Variants in RAB3GAP2 observed in about 807,000 individuals in gnomAD.
RAB3GAP2 encodes RAB3 GTPase activating non-catalytic protein subunit 2, also known as rab3 GTPase-activating protein non-catalytic subunit.
Under a neutral mutation model 185.3 loss-of-function variants are expected in RAB3GAP2, and 87 were observed. The observed-to-expected ratio is 0.47, with a 90% CI of 0.39 to 0.56. The LOEUF is 0.56. RAB3GAP2 is among the 20% of genes least tolerant of loss of function. The pLI, the probability that RAB3GAP2 is intolerant of heterozygous loss-of-function variation, is 0.00. For synonymous variants in RAB3GAP2, 554 were observed against 576.1 expected, an observed-to-expected ratio of 0.96 and a Z score of 0.55; for missense variants, 1,492 against 1,638.2, an observed-to-expected ratio of 0.91 and a Z score of 1.54.
intron 4 of RAB3GAP2, among the ~76,000 whole-genome samples, chr1:220,212,226 T>A (rs534791740): frequency 6.6e-6 from 1 of 152,286 alleles, no homozygotes. Flanking sequence ...ATAAGCCCAA[T>A]ATCAGCAAAG....
chr1:220,248,753 T>A (rs1425925178), intron 1 of RAB3GAP2, among the ~76,000 whole-genome samples: 1 of 152,060 alleles, frequency 6.6e-6, no homozygotes. Flanking sequence ...GTTCCCATAA[T>A]CCCCATGTGC....
In RAB3GAP2 at chr1:220,177,584, T is replaced by C. The variant is rs181081662; in HGVS notation, c.2310+4673A>G. Among the ~76,000 whole-genome samples, 831 of 152,044 alleles carry C rather than the reference T, an allele frequency of 5.5e-3. 11 individuals carry two copies. Among genetic ancestry groups the C allele is most frequent in the African/African-American group, 0.019 (792 of 41,454 alleles). ...CCCACACAATCTATTCAAAAATTTA[T>C]CAGAGAAATTTTTAAAAGGTTGAAA... is the stretch of plus-strand genomic sequence containing the variant. On this transcript the variant is annotated intron_variant, in intron 21 of 34. Transcript: ENST00000358951.
chr1:220,248,634 T>G (rs910141184), intron 1 of RAB3GAP2, among the ~76,000 whole-genome samples: 2 of 151,670 alleles, frequency 1.3e-5, no homozygotes, highest in African/African-American at 4.9e-5. Context: ...TTTGGATAAT[T>G]CTAAAGTTCA....
rs1658423559 is a variant in RAB3GAP2 at position 220,182,245 on chromosome 1, A to T, written c.2310+12T>A. On this transcript the variant is annotated intron_variant, in intron 21 of 34. Transcript: ENST00000358951. ...AAGGAAGAACAGCATCCAGCAACCA[A>T]AAAAACCTTACCAACAACAGCTGAG... The T allele has an allele frequency of 1.2e-6, 2 of 1,614,000 alleles. No homozygotes were observed. The highest frequency in any genetic ancestry group is 8.5e-7 in the Non-Finnish European group (1 of 1,179,958).
intron 2 of RAB3GAP2, among the ~76,000 whole-genome samples, chr1:220,229,746 C>T (rs1355033171): frequency 1.3e-5 from 2 of 152,148 alleles, no homozygotes; most frequent in African/African-American, 4.8e-5. Context: ...AGCTCAGCAC[C>T]AGCACTATTC....
At chr1:220,162,157 GAATC>G in intron 28 of RAB3GAP2, 37 bp downstream of exon 28, 1 of 1,362,012 alleles carries the variant, frequency 7.3e-7, no homozygotes. Flanking sequence ...TCAAATAAGA[GAATC>G]AAATAAATAA....
intron 1 of RAB3GAP2, among the ~76,000 whole-genome samples, chr1:220,243,668 A>T (rs1659742112): frequency 6.6e-6 from 1 of 152,138 alleles, no homozygotes; most frequent in Admixed American, 6.6e-5. Flanking sequence ...ATCTGGTATG[A>T]TGCTGTCACT....
rs557235116 is a variant in RAB3GAP2, at chr1:220,272,415, G to C, written c.-78C>G. On this transcript the variant is annotated 5_prime_UTR_variant, in exon 1 of 35. Transcript: ENST00000358951. ...CCTCCACCCCACTGCGGCCGCCACCGAGCCCCAATAGCTCTAGCCAAGCAG... is the reference window on the plus strand; with the variant it reads ...CCTCCACCCCACTGCGGCCGCCACCCAGCCCCAATAGCTCTAGCCAAGCAG... 1.4e-5 allele frequency: 13 copies of C among 962,234 alleles called. No homozygotes were observed. The highest frequency in any genetic ancestry group is 2.1e-5 in the Non-Finnish European group (13 of 610,668). 59.6% of individuals were successfully genotyped at this position (962,234 alleles called of 1,614,324 possible). A position where few individuals can be genotyped will look rare whatever the true frequency, so the allele number is the denominator to read the frequency against.
chr1:220,204,971 T>A (rs1228573840), intron 8 of RAB3GAP2, among the ~76,000 whole-genome samples: 2 of 152,024 alleles, frequency 1.3e-5, no homozygotes, highest in Admixed American at 1.3e-4. Flanking sequence ...ATTTTCTTAA[T>A]CCAGTCTATC....
intron 1 of RAB3GAP2, among the ~76,000 whole-genome samples, chr1:220,242,876 A>C (rs540079946): frequency 2.6e-5 from 4 of 152,344 alleles, no homozygotes; most frequent in Admixed American, 6.5e-5. Context: ...TGACATAATC[A>C]AATGCCTACA....
intron 19 of RAB3GAP2, among the ~76,000 whole-genome samples, chr1:220,183,800 G>A (rs1229282446): frequency 6.6e-6 from 1 of 151,916 alleles, no homozygotes; most frequent in Non-Finnish European, 1.5e-5. Context: ...TATACTATAT[G>A]TACAAAAACA....
intron 1 of RAB3GAP2, among the ~76,000 whole-genome samples, chr1:220,255,417 G>A (rs1240422370): frequency 6.6e-6 from 1 of 152,200 alleles, no homozygotes; most frequent in Non-Finnish European, 1.5e-5. Context: ...CACAGAACCA[G>A]GCTGAGGTGG....
intron 2 of RAB3GAP2, among the ~76,000 whole-genome samples, chr1:220,218,644 C>T (rs1659245123): frequency 6.6e-6 from 1 of 151,656 alleles, no homozygotes; most frequent in Admixed American, 6.6e-5. Flanking sequence ...ATGTAAATGA[C>T]GAGTTAATGG....
Position 220,253,821 on chromosome 1 carries a change from T to C in RAB3GAP2, c.115+18402A>G. 5.0e-6 allele frequency: 8 copies of C among 1,612,192 alleles called. No individual in the cohort carries two copies. The Admixed American group carries it at 8.3e-5, about 17-fold the overall frequency. On this transcript the variant is annotated intron_variant, in intron 1 of 34. Transcript: ENST00000358951. ...TTCAAAAAGCCAATCAGGAGCAGTATGCAGAGGGGAAGATGAGAGGGGCTG... is the reference window on the plus strand; with the variant it reads ...TTCAAAAAGCCAATCAGGAGCAGTACGCAGAGGGGAAGATGAGAGGGGCTG...
At chr1:220,270,746 T>G (rs1474798009) in intron 1 of RAB3GAP2, among the ~76,000 whole-genome samples, 1 of 152,228 alleles carries the variant, frequency 6.6e-6, no homozygotes, top group Non-Finnish European at 1.5e-5. Context: ...TCTCCTCCAC[T>G]TTGCTACCAG....
chr1:220,252,480 C>T (rs961034796), intron 1 of RAB3GAP2, among the ~76,000 whole-genome samples: 10 of 152,184 alleles, frequency 6.6e-5, no homozygotes, highest in African/African-American at 2.4e-4. Flanking sequence ...TCAGAACCTT[C>T]AACTGAGATA....
At chr1:220,163,744 CATATATAT>C (rs373160821) in intron 27 of RAB3GAP2, among the ~76,000 whole-genome samples, 147 of 122,986 alleles carry the variant, frequency 1.2e-3, no homozygotes, top group African/African-American at 4.2e-3. Flanking sequence ...TAAATACATA[CATATATAT>C]ATATATATAT....
At chr1:220,213,116 A>G in intron 3 of RAB3GAP2, 148 bp from the exon 4 acceptor site, 3 of 590,066 alleles carry the variant, frequency 5.1e-6, no homozygotes, top group Non-Finnish European at 9.0e-6. Flanking sequence ...ATAGGTAAAT[A>G]TAAGATAAAC....
At chr1:220,245,158 G>A (rs566155739) in intron 1 of RAB3GAP2, among the ~76,000 whole-genome samples, 1 of 151,560 alleles carries the variant, frequency 6.6e-6, no homozygotes, top group East Asian at 1.9e-4. Flanking sequence ...TGGGCAAAGA[G>A]GAGGAGCCAA....
Sources: gnomAD v4.1 joint callset for allele counts (sites outside exome capture counted in the v4.1 genomes callset) on GRCh38, gnomAD v4.1.1 for gene constraint, MANE v1.5 for transcripts, NCBI Gene and HGNC (gene_info 2026-07-23, HGNC 2026-07-21) for gene names.